The following ANO1 variants were observed in gnomAD, a reference collection of about 807,000 sequenced individuals.
The protein encoded by ANO1 is anoctamin-1.
A neutral mutation model predicts 124.0 loss-of-function variants in ANO1; 59 were observed. That is an observed-to-expected ratio of 0.48 (90% CI 0.39 to 0.59). The LOEUF (loss-of-function observed/expected upper bound fraction) is 0.59, where lower values mean the gene tolerates loss of function less well. ANO1 is among the 20% of genes least tolerant of loss of function. The pLI is 0.00. For missense variants in ANO1, 1,059 were observed against 1,328.0 expected, an observed-to-expected ratio of 0.80 and a Z score of 3.15; for synonymous variants, 529 against 532.0, an observed-to-expected ratio of 0.99 and a Z score of 0.08.
At chr11:69,988,758 T>C (rs1183346418) in intron 1 of ANO1, among the ~76,000 whole-genome samples, 3 of 152,226 alleles carry the variant, frequency 2.0e-5, no homozygotes, top group Admixed American at 6.5e-5. Flanking sequence ...GGAGTTAGGG[T>C]GAGGTCTGCG....
intron 1 of ANO1, among the ~76,000 whole-genome samples, chr11:70,014,324 C>T (rs531909753): frequency 1.3e-5 from 2 of 150,856 alleles, no homozygotes; most frequent in South Asian, 4.2e-4. Context: ...CCACTCCCCG[C>T]CCCTGAGCCG....
At chr11:70,103,597 A>G (rs1403765850) in intron 3 of ANO1, among the ~76,000 whole-genome samples, 1 of 152,150 alleles carries the variant, frequency 6.6e-6, no homozygotes, top group East Asian at 1.9e-4. Flanking sequence ...AAAACTTTGT[A>G]TCTAAAAAGC....
intron 1 of ANO1, among the ~76,000 whole-genome samples, chr11:69,995,427 G>A (rs1856250839): frequency 1.3e-5 from 2 of 152,104 alleles, no homozygotes; most frequent in African/African-American, 4.8e-5. Flanking sequence ...AGCCCATAGT[G>A]TATGCAGATG....
chr11:70,146,501 C>T (rs2047384092), intron 11 of ANO1, among the ~76,000 whole-genome samples: 1 of 151,878 alleles, frequency 6.6e-6, no homozygotes, highest in Non-Finnish European at 1.5e-5. Flanking sequence ...CTGGGGAGGC[C>T]GGGACAGGGA....
chr11:69,989,438 C>A (rs993214288), intron 1 of ANO1, among the ~76,000 whole-genome samples: 2 of 151,332 alleles, frequency 1.3e-5, no homozygotes, highest in African/African-American at 2.4e-5. Flanking sequence ...AGCCCCAGCA[C>A]GTGCGTCTTC....
chr11:70,113,370 C>T (rs985000859), intron 7 of ANO1, among the ~76,000 whole-genome samples: 4 of 152,312 alleles, frequency 2.6e-5, no homozygotes, highest in African/African-American at 7.2e-5. Context: ...CCTCGGCCAG[C>T]GACCTGCTGT....
At chr11:69,974,462 C>G in the ANO1 span, among the ~76,000 whole-genome samples, 1 of 152,338 alleles carries the variant, frequency 6.6e-6, no homozygotes, top group South Asian at 2.1e-4. Flanking sequence ...TGAACGACCG[C>G]TTTACAGATG....
At chr11:70,136,276 C>T (rs1156371047) in intron 11 of ANO1, among the ~76,000 whole-genome samples, 1 of 152,184 alleles carries the variant, frequency 6.6e-6, no homozygotes, top group East Asian at 1.9e-4. Flanking sequence ...GCTTGTCGGT[C>T]CCCTGTGGTT....
chr11:70,057,609 C>T (rs1224985312), intron 1 of ANO1, among the ~76,000 whole-genome samples: 1 of 152,056 alleles, frequency 6.6e-6, no homozygotes, highest in East Asian at 1.9e-4. Context: ...TTTTCTCTTG[C>T]AGGCAGGTGC....
chr11:69,989,171 A>G (rs1242742858), intron 1 of ANO1, among the ~76,000 whole-genome samples: 2 of 152,158 alleles, frequency 1.3e-5, no homozygotes, highest in Non-Finnish European at 2.9e-5. Context: ...TGAGGAAACT[A>G]TGGCACAGAG....
chr11:70,147,043 A>C (rs1319411352), intron 11 of ANO1, among the ~76,000 whole-genome samples: 4 of 152,224 alleles, frequency 2.6e-5, no homozygotes, highest in Non-Finnish European at 5.9e-5. Flanking sequence ...CCTTCAATCC[A>C]ATCAAGTTGA....
chr11:70,135,717 G>A (rs981998667), intron 11 of ANO1, among the ~76,000 whole-genome samples: 1 of 152,236 alleles, frequency 6.6e-6, no homozygotes, highest in African/African-American at 2.4e-5. Flanking sequence ...TGCCCAGTAA[G>A]AGCACATTCC....
chr11:70,164,147 G>T (rs1259938447), intron 19 of ANO1, among the ~76,000 whole-genome samples: 1 of 152,184 alleles, frequency 6.6e-6, no homozygotes, highest in African/African-American at 2.4e-5. Flanking sequence ...TCCACTGTTT[G>T]TCCCACAACC....
intron 1 of ANO1, among the ~76,000 whole-genome samples, chr11:70,062,227 C>T (rs1857602932): frequency 6.6e-6 from 1 of 151,968 alleles, no homozygotes; most frequent in African/African-American, 2.4e-5. Context: ...CAGACGCGTA[C>T]CACCACACCT....
intron 1 of ANO1, chr11:70,056,624 G>C (rs1341193077): frequency 6.6e-6 from 1 of 152,070 alleles, no homozygotes; most frequent in Non-Finnish European, 1.5e-5. Flanking sequence ...AATATACCCT[G>C]TTTTGGGTTC....
chr11:70,153,908 G>A (rs2047702853), intron 14 of ANO1, among the ~76,000 whole-genome samples: 1 of 152,004 alleles, frequency 6.6e-6, no homozygotes, highest in African/African-American at 2.4e-5. Context: ...TGGGACTACA[G>A]GCGCGTACCA....
intron 1 of ANO1, among the ~76,000 whole-genome samples, chr11:70,015,969 C>T (rs1462178579): frequency 2.6e-5 from 4 of 152,176 alleles, no homozygotes; most frequent in African/African-American, 9.7e-5. Flanking sequence ...CTTACAGCAA[C>T]AGGGGTGCAG....
chr11:70,141,901 G>A (rs1262957859), intron 11 of ANO1, among the ~76,000 whole-genome samples: 1 of 152,134 alleles, frequency 6.6e-6, no homozygotes, highest in African/African-American at 2.4e-5. Context: ...GCAGCCGGGA[G>A]CCTGGTCGTG....
Position 70,078,623 on chromosome 11 carries a change from A to G in ANO1, c.17A>G (p.Lys6Arg), listed in dbSNP as rs368903830. 6.0e-6 allele frequency: 9 copies of G among 1,493,498 alleles called. No homozygotes were observed. Among genetic ancestry groups the G allele is most frequent in the Non-Finnish European group, 7.2e-6 (8 of 1,112,126 alleles). The allele number at this position is 1,493,498 out of a possible 1,614,324, so 92.5% of individuals were successfully genotyped here. A position where few individuals can be genotyped will look rare whatever the true frequency, so the allele number is the denominator to read the frequency against. The change falls in exon 1 of 26, where the codon AAG becomes AGG. Residue 6 changes from lysine to arginine, a missense_variant. Physicochemically the swap from Lys to Arg is conservative, Grantham distance 26. Coordinates refer to ENST00000355303, the MANE Select transcript of ANO1 (RefSeq NM_018043.7). MRVNE[K>R]YSTLPAEDRS... ...GCGGCCACGATGAGGGTCAACGAGA[A>G]GTACTCGACGCTCCCGGCCGAGGAC...
Sources: allele counts gnomAD v4.1 joint callset (sites outside exome capture counted in the v4.1 genomes callset), GRCh38; gene constraint gnomAD v4.1.1; transcripts MANE v1.5; gene names NCBI Gene and HGNC (gene_info 2026-07-23, HGNC 2026-07-21).